GLB1: variants seen among roughly 807,000 people sequenced by gnomAD.
GLB1 encodes galactosidase beta 1, also known as beta-galactosidase.
In GLB1, 56 loss-of-function variants were observed where a neutral mutation model predicts 74.0. The ratio of observed to expected loss-of-function variants is 0.76; its 90% CI spans 0.61 to 0.94. The LOEUF is 0.94. GLB1 is among the 40% of genes least tolerant of loss of function. GLB1 has a pLI of 0.00. For synonymous variants in GLB1, 323 were observed against 323.6 expected (o/e 1.00, Z 0.02); for missense variants, 787 against 845.5 (o/e 0.93, Z 0.86).
rs937285209 is a variant in GLB1, at chr3:33,093,165, T to C, written c.75+3846A>G. 1 of 1,613,676 alleles carries C rather than the reference T, an allele frequency of 6.2e-7. No individual in the cohort carries two copies. The highest frequency in any genetic ancestry group is 1.3e-5 in the African/African-American group (1 of 74,786). Reference sequence around the variant, plus strand: ...GTCAAGATCCATGCCATGGCCAGAGTAGTGCAGGATGTCTGCTTCAATATC... The same window carrying C: ...GTCAAGATCCATGCCATGGCCAGAGCAGTGCAGGATGTCTGCTTCAATATC... On this transcript the variant is annotated intron_variant, in intron 1 of 15. Coordinates refer to ENST00000307363, the MANE Select transcript of GLB1 (RefSeq NM_000404.4). The surrounding 1 kb of genome is among the most constrained non-coding windows in gnomAD (Gnocchi z 6.0).
chr3:32,996,602 C>A, downstream of GLB1: 1 of 257,482 alleles, frequency 3.9e-6, no homozygotes, highest in Non-Finnish European at 7.6e-6. Flanking sequence ...CAGATCAAAC[C>A]AAGACTATTT....
the GLB1 span, among the ~76,000 whole-genome samples, chr3:32,972,501 C>T: frequency 6.6e-6 from 1 of 152,108 alleles, no homozygotes; most frequent in Non-Finnish European, 1.5e-5. Context: ...GATTCAAAAC[C>T]CTCATTAGTG....
At chr3:33,017,735 G>A (rs561846142) in intron 13 of GLB1, among the ~76,000 whole-genome samples, 1 of 152,138 alleles carries the variant, frequency 6.6e-6, no homozygotes, top group African/African-American at 2.4e-5. Flanking sequence ...ATAAAGGCAC[G>A]AAGTTCAACA....
intron 1 of GLB1, among the ~76,000 whole-genome samples, chr3:33,095,155 G>C (rs1700959904): frequency 7.6e-6 from 1 of 131,296 alleles, no homozygotes. Context: ...AAGTTGTAGT[G>C]AGCCAAGATC....
intron 5 of GLB1, among the ~76,000 whole-genome samples, chr3:33,058,786 C>T (rs1035515014): frequency 6.6e-6 from 1 of 152,150 alleles, no homozygotes; most frequent in Non-Finnish European, 1.5e-5. Context: ...TTATATGCAC[C>T]AATTGTAATT....
chr3:32,986,783 G>T, the GLB1 span, among the ~76,000 whole-genome samples: 2 of 152,042 alleles, frequency 1.3e-5, no homozygotes, highest in Non-Finnish European at 2.9e-5. Flanking sequence ...TAGAGACAGG[G>T]TTTCACCATG....
At chr3:33,006,225 C>G (rs1278259268) in intron 15 of GLB1, among the ~76,000 whole-genome samples, 1 of 151,714 alleles carries the variant, frequency 6.6e-6, no homozygotes, top group African/African-American at 2.4e-5. Flanking sequence ...CCGGGCCGCA[C>G]AGTGAGAGGT....
chr3:32,973,861 C>T, the GLB1 span, among the ~76,000 whole-genome samples: 1 of 152,112 alleles, frequency 6.6e-6, no homozygotes, highest in Admixed American at 6.6e-5. Flanking sequence ...GGAATAGAAG[C>T]AAAGTGTTGA....
chr3:32,974,611 G>C, the GLB1 span, among the ~76,000 whole-genome samples: 2 of 152,130 alleles, frequency 1.3e-5, no homozygotes, highest in Non-Finnish European at 2.9e-5. Flanking sequence ...TGAGGATGTG[G>C]TTCCAGCCTC....
chr3:32,999,949 C>T (rs1385339998), intron 15 of GLB1, among the ~76,000 whole-genome samples: 1 of 151,790 alleles, frequency 6.6e-6, no homozygotes, highest in Non-Finnish European at 1.5e-5. Context: ...CCATGCCTGG[C>T]CTTTTTCTTT....
chr3:33,089,961 G>A (rs746426303), intron 1 of GLB1, among the ~76,000 whole-genome samples: 2 of 152,154 alleles, frequency 1.3e-5, no homozygotes, highest in African/African-American at 2.4e-5. Flanking sequence ...AAATATAGTT[G>A]AGATAATCAG....
Position 33,087,599 on chromosome 3 carries a change from A to G in GLB1, c.75+9412T>C, listed in dbSNP as rs1278530935. Among the ~76,000 whole-genome samples, 268 of 145,838 alleles carry G rather than the reference A, an allele frequency of 1.8e-3. 3 individuals carry two copies. Among genetic ancestry groups the G allele is most frequent in the East Asian group, 8.9e-3 (44 of 4,968 alleles). Reference sequence around the variant, plus strand: ...TGCGCGCACACACACACACACACACACACACACACACACACACACACACAC... The same window carrying G: ...TGCGCGCACACACACACACACACACGCACACACACACACACACACACACAC... On this transcript the variant is annotated intron_variant, in intron 1 of 15. Coordinates refer to ENST00000307363, the MANE Select transcript of GLB1 (RefSeq NM_000404.4).
At chr3:32,968,885 G>T in the GLB1 span, among the ~76,000 whole-genome samples, 2 of 152,250 alleles carry the variant, frequency 1.3e-5, no homozygotes, top group Non-Finnish European at 2.9e-5. Flanking sequence ...CAGGCAATTA[G>T]ATTCTATGGC....
chr3:33,093,553 T>C lies in GLB1; in HGVS notation c.75+3458A>G. ...CTGCCCACTGTGGGGCCCAAGTGAA[T>C]GTCTGAGAGGAGCACGATCTTGAGG... On this transcript the variant is annotated intron_variant, in intron 1 of 15. Coordinates refer to ENST00000307363, the MANE Select transcript of GLB1 (RefSeq NM_000404.4). The surrounding 1 kb of genome is among the most constrained non-coding windows in gnomAD (Gnocchi z 6.0). 6.2e-7 allele frequency: 1 copy of C among 1,614,172 alleles called. No homozygotes were observed. Among genetic ancestry groups the C allele is most frequent in the African/African-American group, 1.3e-5 (1 of 75,042 alleles).
downstream of GLB1, among the ~76,000 whole-genome samples, chr3:32,993,771 G>A (rs151300066): frequency 0.042 from 6,336 of 151,802 alleles, 190 homozygotes; most frequent in Non-Finnish European, 0.062. Context: ...CCTGACCTCA[G>A]GTGATCCACC....
chr3:33,077,506 AC>A (rs1172316842), intron 1 of GLB1: 1 of 730,060 alleles, frequency 1.4e-6, no homozygotes, highest in Non-Finnish European at 2.1e-6. Flanking sequence ...GGAACCTCCC[AC>A]TTCACTCCAG....
chr3:33,021,579 A>G lies in GLB1; in HGVS notation c.1220T>C (p.Ile407Thr). The G allele has an allele frequency of 1.2e-6, 2 of 1,613,986 alleles. No individual in the cohort carries two copies. Among genetic ancestry groups the G allele is most frequent in the South Asian group, 1.1e-5 (1 of 90,996 alleles). ...PIKSLYPLTF[I>T]QVKQHYGFVL... ...TTGAAGGCCTACCTGTTTCACCTGG[A>G]TAAATGTCAAGGGATAAAGGCTTTT... The change falls in exon 12 of 16, where the codon ATC becomes ACC. Residue 407 changes from isoleucine (I) to threonine (T), a missense_variant. Coordinates refer to ENST00000307363, the MANE Select transcript of GLB1 (RefSeq NM_000404.4).
chr3:32,987,897 C>T, the GLB1 span, among the ~76,000 whole-genome samples: 1 of 151,960 alleles, frequency 6.6e-6, no homozygotes, highest in Non-Finnish European at 1.5e-5. Flanking sequence ...AAGAATGGAT[C>T]TTAGAGGCTG....
intron 15 of GLB1, among the ~76,000 whole-genome samples, chr3:33,005,398 A>G (rs1696744656): frequency 6.6e-6 from 1 of 152,110 alleles, no homozygotes; most frequent in Admixed American, 6.5e-5. Context: ...AAGCACTTAT[A>G]ATTTCTTCCT....
Sources: allele counts gnomAD v4.1 joint callset (sites outside exome capture counted in the v4.1 genomes callset), GRCh38; gene constraint gnomAD v4.1.1; non-coding constraint Gnocchi (gnomAD v3.1); transcripts MANE v1.5; gene names NCBI Gene and HGNC (gene_info 2026-07-23, HGNC 2026-07-21).